The following INO80 variants were observed in gnomAD, a reference collection of about 807,000 sequenced individuals.
INO80 encodes chromatin-remodeling ATPase INO80.
INO80 carries 20 observed loss-of-function variants against 203.4 expected under a neutral mutation model. The observed-to-expected ratio is 0.10, with a 90% CI of 0.07 to 0.14. The LOEUF (loss-of-function observed/expected upper bound fraction) is 0.14, where lower values mean the gene tolerates loss of function less well. INO80 is among the 10% of genes least tolerant of loss of function. INO80 has a pLI of 1.00. For synonymous variants in INO80, 726 were observed against 685.2 expected, an observed-to-expected ratio of 1.06 and a Z score of -0.93; for missense variants, 1,419 against 1,914.4, an observed-to-expected ratio of 0.74 and a Z score of 4.83.
At chr15:41,065,441 C>CAAAAAA (rs1197835291) in intron 14 of INO80, among the ~76,000 whole-genome samples, 1 of 150,946 alleles carries the variant, frequency 6.6e-6, no homozygotes, top group African/African-American at 2.5e-5. Context: ...TGTCATAAAA[C>CAAAAAA]AAAAAACAAA....
At chr15:41,042,560 G>C (rs1013392688) in intron 24 of INO80, among the ~76,000 whole-genome samples, 1 of 151,928 alleles carries the variant, frequency 6.6e-6, no homozygotes, top group Non-Finnish European at 1.5e-5. Context: ...TGTAACCTCA[G>C]CCTCCCGTGT....
chr15:41,051,146 A>T (rs914534387), intron 19 of INO80, among the ~76,000 whole-genome samples: 1 of 150,960 alleles, frequency 6.6e-6, no homozygotes, highest in African/African-American at 2.4e-5. Flanking sequence ...AAAAAAAAGA[A>T]AGTTCTCCCA....
intron 9 of INO80, among the ~76,000 whole-genome samples, chr15:41,075,099 A>C (rs916119583): frequency 6.6e-6 from 1 of 152,110 alleles, no homozygotes; most frequent in African/African-American, 2.4e-5. Context: ...TTATACTGTG[A>C]ATCTTTTCTC....
At chr15:41,095,254 T>C (rs2045705050) in intron 4 of INO80, among the ~76,000 whole-genome samples, 1 of 152,168 alleles carries the variant, frequency 6.6e-6, no homozygotes, top group African/African-American at 2.4e-5. Flanking sequence ...GGCAGGAGAA[T>C]TGCTTGAACC....
At chr15:41,057,817 A>AAAAAAAAAAAAAG (rs1555403662) in intron 16 of INO80, among the ~76,000 whole-genome samples, 17 of 138,544 alleles carry the variant, frequency 1.2e-4, no homozygotes, top group African/African-American at 5.1e-4. Flanking sequence ...AAAAAAAAAA[A>AAAAAAAAAAAAAG]AAAGAAAGAA....
At chr15:41,046,638 G>A (rs977243813) in intron 23 of INO80, among the ~76,000 whole-genome samples, 20 of 151,804 alleles carry the variant, frequency 1.3e-4, no homozygotes, top group African/African-American at 4.8e-4. Context: ...TCTGTTTTGA[G>A]ACCGAGTCTC....
Position 41,055,244 on chromosome 15 carries a change from C to A in INO80, c.2188+3G>T. On this transcript the variant is annotated splice_donor_region_variant and intron_variant, in intron 18 of 35. Coordinates refer to ENST00000648947, the MANE Select transcript of INO80 (RefSeq NM_017553.3). ...TAGAAAGCCAGCTCATAACAGTACT[C>A]ACTCTCATCAATAGCAGATTTGTTT... 3 of 1,556,006 alleles carry A rather than the reference C, an allele frequency of 1.9e-6. No individual in the cohort carries two copies. The highest frequency in any genetic ancestry group is 2.2e-5 in the South Asian group (2 of 89,360).
At chr15:41,070,105 C>T (rs1247327446) in intron 13 of INO80, among the ~76,000 whole-genome samples, 1 of 152,094 alleles carries the variant, frequency 6.6e-6, no homozygotes, top group Non-Finnish European at 1.5e-5. Flanking sequence ...GAAACTAAGC[C>T]TCAGAGAGTT....
chr15:41,077,197 G>A (rs1055768461), intron 9 of INO80, among the ~76,000 whole-genome samples: 2 of 148,230 alleles, frequency 1.3e-5, no homozygotes, highest in South Asian at 2.1e-4. Flanking sequence ...GTGAGCCACC[G>A]CGCCCAGCCT....
chr15:41,057,072 G>A (rs1047413215), intron 16 of INO80, among the ~76,000 whole-genome samples: 4 of 152,144 alleles, frequency 2.6e-5, no homozygotes, highest in Admixed American at 2.6e-4. Flanking sequence ...ATTAATCTGT[G>A]CACTTCCAGT....
chr15:41,068,501 C>T (rs1244421666), intron 14 of INO80, among the ~76,000 whole-genome samples: 3 of 151,746 alleles, frequency 2.0e-5, no homozygotes, highest in African/African-American at 4.8e-5. Context: ...GCAAAGGTTG[C>T]GGTGAGCAGA....
chr15:41,031,040 T>C (rs2044452235), intron 24 of INO80, among the ~76,000 whole-genome samples: 1 of 152,236 alleles, frequency 6.6e-6, no homozygotes, highest in East Asian at 1.9e-4. Flanking sequence ...AGGTGATGTA[T>C]AGCTTTCTGA....
At chr15:40,996,102 C>T (rs547213677) in intron 29 of INO80, among the ~76,000 whole-genome samples, 3 of 152,254 alleles carry the variant, frequency 2.0e-5, no homozygotes, top group African/African-American at 7.2e-5. Flanking sequence ...CACTCTTGCA[C>T]CTCATTTCTC....
In INO80 at chr15:41,074,492, T is replaced by C. The variant is rs1393334374; in HGVS notation, c.1205A>G (p.Lys402Arg). 1 of 1,614,024 alleles carries C rather than the reference T, an allele frequency of 6.2e-7. No individual in the cohort carries two copies. The highest frequency in any genetic ancestry group is 8.5e-7 in the Non-Finnish European group (1 of 1,179,938). ...TELYAHFMSR[K>R]RDMGHDGIQE... Reference sequence around the variant, plus strand: ...GATACCATCATGACCCATATCTCGTTTGCGACTCATGAAATGGGCATACAA... The same window carrying C: ...GATACCATCATGACCCATATCTCGTCTGCGACTCATGAAATGGGCATACAA... Residue 402 changes from lysine (K) to arginine (R), a missense_variant, in exon 10 of 36, where the codon AAA (lysine) becomes AGA (arginine). By Grantham distance (26) the Lys-to-Arg change is conservative. Transcript: ENST00000648947.
At chr15:41,074,321 T>C in intron 10 of INO80, 49 bp downstream of exon 10, 1 of 1,375,446 alleles carries the variant, frequency 7.3e-7, no homozygotes, top group Non-Finnish European at 9.9e-7. Flanking sequence ...AACCTTTAGA[T>C]ATAAAAAATA....
At chr15:41,079,620 G>A in intron 9 of INO80, 81 bp downstream of exon 9, 3 of 1,126,164 alleles carry the variant, frequency 2.7e-6, no homozygotes, top group Non-Finnish European at 2.7e-6. Context: ...TTGGTTAGAT[G>A]TACAATTTTC....
At chr15:41,055,214 GTAGA>G in intron 18 of INO80, 29 bp downstream of exon 18, 1 of 1,229,794 alleles carries the variant, frequency 8.1e-7, no homozygotes, top group Non-Finnish European at 1.2e-6. Flanking sequence ...ACACTGATAG[GTAGA>G]TAGAAAGCCA....
intron 19 of INO80, among the ~76,000 whole-genome samples, chr15:41,051,055 G>A (rs527423637): frequency 1.4e-5 from 2 of 146,308 alleles, no homozygotes; most frequent in Admixed American, 1.4e-4. Flanking sequence ...CTTGAACCCG[G>A]GAGGCAGAAG....
At chr15:41,084,139 C>T (rs923392181) in intron 7 of INO80, among the ~76,000 whole-genome samples, 3 of 150,948 alleles carry the variant, frequency 2.0e-5, no homozygotes, top group Admixed American at 1.3e-4. Context: ...ATGTAAACAA[C>T]TGGTGAATCT....
Sources: allele counts gnomAD v4.1 joint callset (sites outside exome capture counted in the v4.1 genomes callset), GRCh38; gene constraint gnomAD v4.1.1; transcripts MANE v1.5; gene names NCBI Gene and HGNC (gene_info 2026-07-23, HGNC 2026-07-21).